The following PTPN13 variants were observed in gnomAD, a reference collection of about 807,000 sequenced individuals.
The protein encoded by PTPN13 is protein tyrosine phosphatase non-receptor type 13, also known as tyrosine-protein phosphatase non-receptor type 13.
In PTPN13, 191 loss-of-function variants were observed where a neutral mutation model predicts 284.0. The observed-to-expected ratio is 0.67, with a 90% confidence interval of 0.60 to 0.76. PTPN13 has a LOEUF of 0.76. Among genes scored for constraint, PTPN13 ranks in the 30% least tolerant of loss-of-function variants. PTPN13 has a pLI of 0.00. For synonymous variants in PTPN13, 986 were observed against 1,022.3 expected (o/e 0.96, Z 0.68); for missense variants, 2,797 against 2,939.9 (o/e 0.95, Z 1.12).
chr4:86,607,448 G>A (rs2149180276), intron 1 of PTPN13, among the ~76,000 whole-genome samples: 1 of 152,052 alleles, frequency 6.6e-6, no homozygotes, highest in East Asian at 1.9e-4. Context: ...AAGAAATTGA[G>A]ACGTAGTATA....
At chr4:86,745,152 G>T in intron 17 of PTPN13, 24 bp downstream of exon 17, 1 of 1,588,414 alleles carries the variant, frequency 6.3e-7, no homozygotes, top group Non-Finnish European at 8.6e-7. Flanking sequence ...GACTATTTCA[G>T]ATGACTCCTG....
At chr4:86,600,363 G>A (rs1378249583) in intron 1 of PTPN13, among the ~76,000 whole-genome samples, 1 of 149,616 alleles carries the variant, frequency 6.7e-6, no homozygotes, top group Non-Finnish European at 1.5e-5. Context: ...AGTAGAGTAG[G>A]AACAATAATT....
At chr4:86,772,381 C>A (rs1044727762) in intron 31 of PTPN13, among the ~76,000 whole-genome samples, 3 of 151,966 alleles carry the variant, frequency 2.0e-5, no homozygotes, top group African/African-American at 7.2e-5. Flanking sequence ...TGGCAAAATC[C>A]CATCTCTACT....
At chr4:86,650,458 T>C (rs1299461405) in intron 2 of PTPN13, among the ~76,000 whole-genome samples, 2 of 152,066 alleles carry the variant, frequency 1.3e-5, no homozygotes, top group Non-Finnish European at 2.9e-5. Context: ...ACTACAGACA[T>C]GTGTCATGCT....
intron 1 of PTPN13, among the ~76,000 whole-genome samples, chr4:86,623,033 A>C (rs1056679679): frequency 1.3e-5 from 2 of 152,130 alleles, no homozygotes; most frequent in African/African-American, 2.4e-5. Context: ...CCCTTCCTTC[A>C]AGATATTTCC....
At chr4:86,779,870 G>T (rs1741098702) in intron 35 of PTPN13, among the ~76,000 whole-genome samples, 1 of 152,000 alleles carries the variant, frequency 6.6e-6, no homozygotes, top group Admixed American at 6.6e-5. Flanking sequence ...ACTTCATCTA[G>T]ATTTTCTCTT....
chr4:86,685,825 A>T (rs982105988), intron 3 of PTPN13, among the ~76,000 whole-genome samples: 4 of 152,222 alleles, frequency 2.6e-5, no homozygotes, highest in Non-Finnish European at 5.9e-5. Flanking sequence ...AATATATATA[A>T]AAACTGCAGA....
At chr4:86,722,175 C>T (rs776705321) in intron 9 of PTPN13, 37 bp from the exon 10 acceptor site, 1 of 1,531,052 alleles carries the variant, frequency 6.5e-7, no homozygotes, top group Non-Finnish European at 9.0e-7. Context: ...CAATTGTTTT[C>T]CTCCCAATCC....
intron 42 of PTPN13, among the ~76,000 whole-genome samples, chr4:86,803,016 T>C (rs1452428808): frequency 6.6e-6 from 1 of 151,292 alleles, no homozygotes; most frequent in African/African-American, 2.4e-5. Flanking sequence ...GACATTGCAT[T>C]GAGCTGTGAT....
chr4:86,641,987 A>G lies in PTPN13; in HGVS notation c.115+6616A>G, dbSNP rs552393678. Among the ~76,000 whole-genome samples the G allele has an allele frequency of 2.6e-5, 4 of 152,208 alleles. No homozygotes were observed. In the East Asian group the frequency reaches 7.7e-4, roughly 29 times the overall value. ...ATAGTCAAAACTTCCCACTATGATT[A>G]TATTTTTGTCTGTCTTCTTCTGTAG... is the stretch of plus-strand genomic sequence containing the variant. On this transcript the variant is annotated intron_variant, in intron 2 of 47. Transcript: ENST00000411767.
At chr4:86,797,321 G>C (rs1743455171) in intron 41 of PTPN13, among the ~76,000 whole-genome samples, 1 of 151,934 alleles carries the variant, frequency 6.6e-6, no homozygotes, top group African/African-American at 2.4e-5. Context: ...GTGAAACCCT[G>C]CCTCTACTAA....
intron 42 of PTPN13, among the ~76,000 whole-genome samples, chr4:86,800,704 C>CAGGG (rs889786582): frequency 6.7e-5 from 9 of 134,222 alleles, no homozygotes; most frequent in Non-Finnish European, 9.4e-5. Context: ...GGGAAGAAAG[C>CAGGG]AGGGAGGGAG....
intron 10 of PTPN13, among the ~76,000 whole-genome samples, chr4:86,725,899 C>T (rs1734194930): frequency 2.7e-5 from 4 of 149,392 alleles, no homozygotes; most frequent in Admixed American, 1.3e-4. Context: ...TACCCATCCC[C>T]ATGTCCTGAA....
chr4:86,693,465 T>A, intron 5 of PTPN13, 122 bp from the exon 6 acceptor site: 2 of 529,830 alleles, frequency 3.8e-6, no homozygotes, highest in East Asian at 5.8e-5. Context: ...GGACATAGAG[T>A]CTCATTATTT....
At chr4:86,804,415 A>C (rs1744432392) in intron 43 of PTPN13, among the ~76,000 whole-genome samples, 1 of 152,200 alleles carries the variant, frequency 6.6e-6, no homozygotes, top group East Asian at 1.9e-4. Context: ...AAAGGAGTTA[A>C]CTTTAATAAG....
intron 40 of PTPN13, among the ~76,000 whole-genome samples, chr4:86,795,950 G>C (rs759615088): frequency 1.7e-4 from 26 of 151,984 alleles, no homozygotes; most frequent in Non-Finnish European, 3.5e-4. Context: ...ATGATGAGTT[G>C]ATGGGTACAG....
intron 6 of PTPN13, among the ~76,000 whole-genome samples, chr4:86,694,947 A>T (rs1289206199): frequency 1.3e-5 from 2 of 152,076 alleles, no homozygotes; most frequent in African/African-American, 4.8e-5. Context: ...AACCTGTCTT[A>T]CTTAAAACCT....
intron 2 of PTPN13, among the ~76,000 whole-genome samples, chr4:86,668,205 A>G (rs1554302855): frequency 6.6e-6 from 1 of 152,230 alleles, no homozygotes; most frequent in Non-Finnish European, 1.5e-5. Context: ...GAATGCAGTC[A>G]ACACACAATT....
At chr4:86,677,470 AC>A (rs1728417926) in intron 3 of PTPN13, among the ~76,000 whole-genome samples, 1 of 151,418 alleles carries the variant, frequency 6.6e-6, no homozygotes, top group Non-Finnish European at 1.5e-5. Context: ...GCATGCCACC[AC>A]ACCCAGCTAA....
Sources: allele counts gnomAD v4.1 joint callset (sites outside exome capture counted in the v4.1 genomes callset), GRCh38; gene constraint gnomAD v4.1.1; transcripts MANE v1.5; gene names NCBI Gene and HGNC (gene_info 2026-07-23, HGNC 2026-07-21).